Variants in SNCAIP observed in about 807,000 individuals in gnomAD.
SNCAIP encodes the protein synphilin-1.
A neutral mutation model predicts 86.7 loss-of-function variants in SNCAIP; 43 were observed. That is an observed-to-expected ratio of 0.50 (90% CI 0.39 to 0.64). The LOEUF is 0.64. Among genes scored for constraint, SNCAIP ranks in the 30% least tolerant of loss-of-function variants. The probability of loss-of-function intolerance (pLI) is 0.00; values close to 1 mark genes in which losing one functional copy is unlikely to be tolerated. For missense variants in SNCAIP, 981 were observed against 1,103.1 expected, an observed-to-expected ratio of 0.89 and a Z score of 1.57; for synonymous variants, 417 against 427.2, an observed-to-expected ratio of 0.98 and a Z score of 0.29.
At chr5:122,385,809 C>T (rs1176808252) in intron 1 of SNCAIP, among the ~76,000 whole-genome samples, 4 of 151,718 alleles carry the variant, frequency 2.6e-5, no homozygotes, top group East Asian at 1.9e-4. Context: ...ACCTCATCAC[C>T]GAATGTACTC....
intron 7 of SNCAIP, chr5:122,443,524 A>G (rs1275179043): frequency 9.0e-6 from 4 of 443,702 alleles, no homozygotes; most frequent in South Asian, 1.6e-5. Flanking sequence ...AGCCTCTTTA[A>G]AATCTCAGTC....
At chr5:122,439,578 G>A (rs951761853) in intron 6 of SNCAIP, among the ~76,000 whole-genome samples, 5 of 152,124 alleles carry the variant, frequency 3.3e-5, no homozygotes, top group Admixed American at 2.0e-4. Context: ...TAGCAGATTA[G>A]TTGGCATGTT....
intron 10 of SNCAIP, among the ~76,000 whole-genome samples, chr5:122,458,213 C>T (rs1446474411): frequency 6.6e-6 from 1 of 152,118 alleles, no homozygotes; most frequent in African/African-American, 2.4e-5. Context: ...TTGTGAACAC[C>T]CATGAACCAA....
intron 3 of SNCAIP, among the ~76,000 whole-genome samples, chr5:122,412,777 GC>G (rs1439149388): frequency 6.6e-6 from 1 of 152,150 alleles, no homozygotes; most frequent in Admixed American, 6.5e-5. Context: ...GAATTCCCCT[GC>G]CTGACGTGTT....
At chr5:122,418,728 C>G (rs1775793756) in intron 3 of SNCAIP, among the ~76,000 whole-genome samples, 1 of 152,140 alleles carries the variant, frequency 6.6e-6, no homozygotes, top group Admixed American at 6.6e-5. Context: ...CTCTGTAAAT[C>G]AGGGGTATTT....
intron 6 of SNCAIP, among the ~76,000 whole-genome samples, chr5:122,436,065 G>C (rs1039773524): frequency 7.9e-5 from 12 of 152,126 alleles, no homozygotes; most frequent in African/African-American, 2.7e-4. Context: ...GTCATGAGGG[G>C]ATGCGCAATT....
At position 122,463,540 on chromosome 5, in the gene SNCAIP, A is replaced by G; in HGVS notation, c.*44A>G. The G allele has an allele frequency of 1.2e-6, 2 of 1,607,686 alleles. No homozygotes were observed. The highest frequency in any genetic ancestry group is 1.7e-6 in the Non-Finnish European group (2 of 1,175,268). On this transcript the variant is annotated 3_prime_UTR_variant, in exon 11 of 11. Coordinates refer to ENST00000261368, the MANE Select transcript of SNCAIP (RefSeq NM_005460.4). ...GAAGAAATCCTACAGCATAAAGCAC[A>G]TTGCTGAGCCAGAGTCAAAAGAACT...
rs1441153597 is a variant in SNCAIP, at chr5:122,440,647, C to T, written c.1315C>T (p.Leu439Phe). Reference sequence around the variant, plus strand: ...TTTATAGGAAAAGATTCTTCTGTGGCTTCTTCAGTTTATGCAAGAACAGGG... The same window carrying T: ...TTTATAGGAAAAGATTCTTCTGTGGTTTCTTCAGTTTATGCAAGAACAGGG... ...CYGQEKILLW[L>F]LQFMQEQGIS... The change falls in exon 7 of 11, where the codon CTT becomes TTT. Residue 439 changes from leucine (L) to phenylalanine (F), a missense_variant. Coordinates refer to ENST00000261368, the MANE Select transcript of SNCAIP (RefSeq NM_005460.4). 9 of 1,613,792 alleles carry T rather than the reference C, an allele frequency of 5.6e-6. No individual in the cohort carries two copies. The highest frequency in any genetic ancestry group is 6.8e-6 in the Non-Finnish European group (8 of 1,179,688).
intron 10 of SNCAIP, among the ~76,000 whole-genome samples, chr5:122,459,743 CA>C (rs1785668563): frequency 6.6e-6 from 1 of 152,048 alleles, no homozygotes; most frequent in Non-Finnish European, 1.5e-5. Context: ...AGACTATGAC[CA>C]AAACCTTCTT....
At chr5:122,433,112 AGT>A (rs34711914) in intron 6 of SNCAIP, among the ~76,000 whole-genome samples, 20,748 of 147,612 alleles carry the variant, frequency 0.14, 1,540 homozygotes, top group Non-Finnish European at 0.17. Context: ...AACTTCTAGT[AGT>A]GTGTGTGTGT....
intron 5 of SNCAIP, among the ~76,000 whole-genome samples, chr5:122,429,816 A>G (rs1778049804): frequency 6.6e-6 from 1 of 152,154 alleles, no homozygotes; most frequent in Admixed American, 6.5e-5. Flanking sequence ...TTACCTCCCC[A>G]AAGCTGGGAA....
At chr5:122,332,681 T>G (rs184110656) in intron 1 of SNCAIP, among the ~76,000 whole-genome samples, 2 of 152,320 alleles carry the variant, frequency 1.3e-5, no homozygotes, top group East Asian at 3.9e-4. Context: ...ACAGTGGCAC[T>G]GGAAGGAAAA....
At chr5:122,358,213 A>G (rs1031929832) in intron 1 of SNCAIP, among the ~76,000 whole-genome samples, 4 of 148,988 alleles carry the variant, frequency 2.7e-5, no homozygotes, top group African/African-American at 9.9e-5. Flanking sequence ...GTATATATAT[A>G]TATATAAAAT....
chr5:122,337,156 A>G (rs1003239920), intron 1 of SNCAIP, among the ~76,000 whole-genome samples: 2 of 152,180 alleles, frequency 1.3e-5, no homozygotes, highest in Admixed American at 1.3e-4. Context: ...GAAAATATGG[A>G]TATATTGTAG....
chr5:122,413,517 T>C (rs1461014545), intron 3 of SNCAIP, among the ~76,000 whole-genome samples: 1 of 152,194 alleles, frequency 6.6e-6, no homozygotes. Context: ...GCAGTTTACA[T>C]TAAGTAATTT....
chr5:122,413,271 C>T (rs1774530674), intron 3 of SNCAIP, among the ~76,000 whole-genome samples: 1 of 152,248 alleles, frequency 6.6e-6, no homozygotes, highest in South Asian at 2.1e-4. Flanking sequence ...CTCTGACCCA[C>T]TCTGATCTAG....
intron 1 of SNCAIP, among the ~76,000 whole-genome samples, chr5:122,324,805 T>C (rs930479974): frequency 6.6e-6 from 1 of 152,204 alleles, no homozygotes; most frequent in African/African-American, 2.4e-5. Flanking sequence ...TAGAAGGGAA[T>C]TTGGAGCTTT....
intron 10 of SNCAIP, among the ~76,000 whole-genome samples, chr5:122,456,369 T>A (rs1270275748): frequency 2.0e-5 from 3 of 152,232 alleles, no homozygotes; most frequent in Admixed American, 2.0e-4. Flanking sequence ...AGTAGTGAGA[T>A]GACATCTACT....
chr5:122,449,508 TAGG>T (rs1315657093), intron 8 of SNCAIP, among the ~76,000 whole-genome samples: 1 of 152,154 alleles, frequency 6.6e-6, no homozygotes, highest in Non-Finnish European at 1.5e-5. Context: ...TAGACATAAT[TAGG>T]AAGACTTCTT....
Sources: allele counts gnomAD v4.1 joint callset (sites outside exome capture counted in the v4.1 genomes callset), GRCh38; gene constraint gnomAD v4.1.1; transcripts MANE v1.5; gene names NCBI Gene and HGNC (gene_info 2026-07-23, HGNC 2026-07-21).